Variants in RAB4B observed in about 807,000 individuals in gnomAD.
RAB4B encodes the protein RAB4B, member RAS oncogene family, also known as ras-related protein Rab-4B.
Under a neutral mutation model 28.3 loss-of-function variants are expected in RAB4B, and 15 were observed. The ratio of observed to expected loss-of-function variants is 0.53; its 90% CI spans 0.35 to 0.82. The LOEUF (loss-of-function observed/expected upper bound fraction) is 0.82. RAB4B is among the 40% of genes least tolerant of loss of function. The pLI is 0.01. For missense variants in RAB4B, 244 were observed against 288.5 expected, an observed-to-expected ratio of 0.85 and a Z score of 1.12; for synonymous variants, 108 against 116.3, an observed-to-expected ratio of 0.93 and a Z score of 0.46.
intron 5 of RAB4B, among the ~76,000 whole-genome samples, chr19:40,784,472 G>C (rs1271064781): frequency 1.3e-5 from 2 of 151,022 alleles, no homozygotes; most frequent in Admixed American, 6.7e-5. Context: ...CAGTCTGGGA[G>C]ACAGAGCAAG....
intron 7 of RAB4B, among the ~76,000 whole-genome samples, chr19:40,788,993 G>T (rs2083130757): frequency 6.6e-6 from 1 of 151,718 alleles, no homozygotes; most frequent in African/African-American, 2.4e-5. Context: ...TATTGGCCAG[G>T]CTGGTCTCGA....
intron 7 of RAB4B, among the ~76,000 whole-genome samples, chr19:40,787,272 T>C (rs1336955515): frequency 6.6e-6 from 1 of 150,980 alleles, no homozygotes; most frequent in Non-Finnish European, 1.5e-5. Context: ...CGGTGGCTTA[T>C]GCCTGTAATC....
intron 7 of RAB4B, among the ~76,000 whole-genome samples, chr19:40,787,577 C>T (rs989671905): frequency 1.4e-5 from 2 of 145,082 alleles, no homozygotes; most frequent in African/African-American, 5.1e-5. Flanking sequence ...GATGGGGAGG[C>T]ACTGGGGGAG....
intron 7 of RAB4B, among the ~76,000 whole-genome samples, chr19:40,793,409 A>G (rs2083176979): frequency 6.7e-6 from 1 of 150,230 alleles, no homozygotes; most frequent in Non-Finnish European, 1.5e-5. Flanking sequence ...TAATTTTTAT[A>G]TTTGTATTTT....
intron 7 of RAB4B, among the ~76,000 whole-genome samples, chr19:40,787,992 C>CATCTGCCA (rs1177213319): frequency 1.0e-4 from 13 of 128,596 alleles, no homozygotes; most frequent in African/African-American, 3.5e-4. Flanking sequence ...AAAAAAGAGA[C>CATCTGCCA]ATCTGCCAGG....
At chr19:40,790,332 G>A (rs2083144864) in intron 7 of RAB4B, among the ~76,000 whole-genome samples, 1 of 151,812 alleles carries the variant, frequency 6.6e-6, no homozygotes, top group African/African-American at 2.4e-5. Context: ...TAGACTCTCT[G>A]TCTTCCAGTC....
intron 7 of RAB4B, among the ~76,000 whole-genome samples, chr19:40,795,092 G>A (rs1306626214): frequency 6.7e-6 from 1 of 148,376 alleles, no homozygotes; most frequent in African/African-American, 2.5e-5. Flanking sequence ...TGGCGTGAAC[G>A]CAGGAGGCGG....
intron 7 of RAB4B, among the ~76,000 whole-genome samples, chr19:40,793,565 C>CTTTTTTTTT (rs1269603015): frequency 8.1e-6 from 1 of 123,836 alleles, no homozygotes; most frequent in African/African-American, 2.9e-5. Context: ...CTTTTCTTTT[C>CTTTTTTTTT]TTTTTTGTTT....
chr19:40,780,149 T>C, intron 2 of RAB4B, 50 bp downstream of exon 2: 3 of 1,600,058 alleles, frequency 1.9e-6, no homozygotes, highest in Non-Finnish European at 2.6e-6. Flanking sequence ...TTTATGCGCA[T>C]GGTGTGGGCT....
intron 2 of RAB4B, 131 bp downstream of exon 2, chr19:40,780,230 T>C: frequency 6.8e-7 from 1 of 1,470,374 alleles, no homozygotes; most frequent in Non-Finnish European, 9.2e-7. Context: ...TGGTCCTTGC[T>C]TTGTCGTATG....
At chr19:40,784,901 C>T (rs934912599) in intron 5 of RAB4B, among the ~76,000 whole-genome samples, 2 of 148,438 alleles carry the variant, frequency 1.3e-5, no homozygotes, top group African/African-American at 2.5e-5. Flanking sequence ...AGTATAGTGG[C>T]GCAATCTCGG....
chr19:40,785,520 A>G (rs2145048226), intron 5 of RAB4B: 1 of 152,090 alleles, frequency 6.6e-6, no homozygotes, highest in Middle Eastern at 3.4e-3. Context: ...CAAAGAAAAA[A>G]ACAAAAAAGG....
At chr19:40,786,545 C>T in intron 5 of RAB4B, 120 bp from the exon 6 acceptor site, 1 of 1,468,662 alleles carries the variant, frequency 6.8e-7, no homozygotes, top group Non-Finnish European at 9.2e-7. Flanking sequence ...GCGCAGAGGC[C>T]TGAGGTGAGG....
intron 3 of RAB4B, 59 bp downstream of exon 3, chr19:40,780,558 ATG>A: frequency 7.0e-7 from 1 of 1,431,554 alleles, no homozygotes; most frequent in Non-Finnish European, 9.7e-7. Flanking sequence ...AAAGAGAGAG[ATG>A]TGTGTGTAGA....
chr19:40,787,394 G>A (rs1297938545), intron 7 of RAB4B, among the ~76,000 whole-genome samples: 2 of 152,076 alleles, frequency 1.3e-5, no homozygotes, highest in Non-Finnish European at 2.9e-5. Flanking sequence ...AATTAGCTGG[G>A]CGTGGTGGCA....
chr19:40,785,342 CA>C (rs59914589), intron 5 of RAB4B, among the ~76,000 whole-genome samples: 6,110 of 49,540 alleles, frequency 0.12, 121 homozygotes, highest in East Asian at 0.3. Flanking sequence ...CCTGCCTCTA[CA>C]AAAAAAAAAA....
chr19:40,793,861 T>G (rs1265249922), intron 7 of RAB4B, among the ~76,000 whole-genome samples: 1 of 148,092 alleles, frequency 6.8e-6, no homozygotes, highest in Non-Finnish European at 1.5e-5. Flanking sequence ...GAATCAGAGG[T>G]TTTAGTGAGC....
At chr19:40,795,169 CAAA>C (rs1167818145) in intron 7 of RAB4B, among the ~76,000 whole-genome samples, 3 of 60,370 alleles carry the variant, frequency 5.0e-5, no homozygotes, top group Admixed American at 2.1e-4. Flanking sequence ...GCTCCATCTC[CAAA>C]AAAAAAAAAA....
intron 1 of RAB4B, 146 bp downstream of exon 1, chr19:40,778,537 G>T: frequency 1.3e-6 from 1 of 791,678 alleles, no homozygotes; most frequent in South Asian, 2.6e-5. Flanking sequence ...GGGTTTAGTG[G>T]GTCTGAGGCT....
Sources: allele counts gnomAD v4.1 joint callset (sites outside exome capture counted in the v4.1 genomes callset), GRCh38; gene constraint gnomAD v4.1.1; transcripts MANE v1.5; gene names NCBI Gene and HGNC (gene_info 2026-07-23, HGNC 2026-07-21).